Variants in CCR5AS observed in about 807,000 individuals in gnomAD.
The protein encoded by CCR5AS is CCR5 antisense RNA.
chr3:46,394,585 G>A (rs966308271), intron 1 of CCR5AS, among the ~76,000 whole-genome samples: 1 of 152,086 alleles, frequency 6.6e-6, no homozygotes, highest in African/African-American at 2.4e-5. Flanking sequence ...TGGAGAACAT[G>A]TCTCACATCC....
chr3:46,366,100 G>C (rs1292061942), intron 3 of CCR5AS, among the ~76,000 whole-genome samples: 1 of 152,142 alleles, frequency 6.6e-6, no homozygotes, highest in Non-Finnish European at 1.5e-5. Flanking sequence ...TATCCTAATT[G>C]CCTCCGTATA....
chr3:46,364,230 G>A (rs1166606903), downstream of CCR5AS, among the ~76,000 whole-genome samples: 1 of 152,250 alleles, frequency 6.6e-6, no homozygotes, highest in Non-Finnish European at 1.5e-5. Flanking sequence ...AGCTCCACAG[G>A]ACAGGCTGAC....
intron 2 of CCR5AS, among the ~76,000 whole-genome samples, chr3:46,383,585 A>T (rs1195378187): frequency 6.6e-6 from 1 of 152,138 alleles, no homozygotes; most frequent in Non-Finnish European, 1.5e-5. Flanking sequence ...AAGGAGAGCA[A>T]CCAATAAACC....
At chr3:46,380,392 AT>A (rs1346615712) in intron 2 of CCR5AS, among the ~76,000 whole-genome samples, 1 of 152,290 alleles carries the variant, frequency 6.6e-6, no homozygotes, top group African/African-American at 2.4e-5. Context: ...AATTTAAAAA[AT>A]AATTGTAACT....
chr3:46,369,984 G>A (rs1000545693), intron 3 of CCR5AS, among the ~76,000 whole-genome samples: 1 of 152,124 alleles, frequency 6.6e-6, no homozygotes, highest in African/African-American at 2.4e-5. Context: ...CTTGTGGCTC[G>A]GGAGTAGCTC....
At chr3:46,365,621 C>G (rs1199936936) in intron 3 of CCR5AS, among the ~76,000 whole-genome samples, 1 of 152,228 alleles carries the variant, frequency 6.6e-6, no homozygotes, top group Admixed American at 6.5e-5. Flanking sequence ...ACAGTCCACT[C>G]TGTGTTGGTC....
rs188772198 is a variant in CCR5AS, at chr3:46,373,854, A to G, written n.392-2437T>C. The G allele has an allele frequency of 7.4e-6, 12 of 1,614,058 alleles. No individual in the cohort carries two copies. In the Admixed American group the frequency reaches 1.3e-4, roughly 18 times the overall value. On this transcript the variant is annotated intron_variant and non_coding_transcript_variant, in intron 2 of 3. Transcript: ENST00000451485. ...AGTCTTCTTCCAAAAGCACATTGCC[A>G]AACGCTTCTGCAAATGCTGTTCTAT... is the stretch of plus-strand genomic sequence containing the variant.
At chr3:46,370,554 C>A (rs1470042037) in intron 3 of CCR5AS, among the ~76,000 whole-genome samples, 1 of 152,138 alleles carries the variant, frequency 6.6e-6, no homozygotes, top group Admixed American at 6.5e-5. Context: ...AACCTTTTAG[C>A]CTTACTGTTG....
chr3:46,390,674 G>A (rs1264359236), intron 2 of CCR5AS, among the ~76,000 whole-genome samples: 1 of 152,150 alleles, frequency 6.6e-6, no homozygotes, highest in African/African-American at 2.4e-5. Flanking sequence ...TAAAAGTGCA[G>A]CAAAGAGATG....
intron 2 of CCR5AS, among the ~76,000 whole-genome samples, chr3:46,391,063 G>A (rs1701907517): frequency 6.6e-6 from 1 of 152,246 alleles, no homozygotes; most frequent in Non-Finnish European, 1.5e-5. Flanking sequence ...GAAGGAGTCA[G>A]TCAGAGAGCC....
intron 2 of CCR5AS, among the ~76,000 whole-genome samples, chr3:46,387,993 G>C (rs924770638): frequency 1.1e-4 from 17 of 152,128 alleles, no homozygotes; most frequent in Admixed American, 9.8e-4. Context: ...TACAATGGTG[G>C]AATGTCATCA....
chr3:46,379,218 AT>A (rs2106759036), intron 2 of CCR5AS, among the ~76,000 whole-genome samples: 2 of 119,254 alleles, frequency 1.7e-5, no homozygotes, highest in East Asian at 2.6e-4. Flanking sequence ...TCCCCTTCCT[AT>A]GTCCATGTGA....
At chr3:46,387,382 T>C (rs1431064120) in intron 2 of CCR5AS, among the ~76,000 whole-genome samples, 2 of 152,178 alleles carry the variant, frequency 1.3e-5, no homozygotes, top group Non-Finnish European at 2.9e-5. Context: ...TCCAGCACTG[T>C]CCTTTATTGC....
chr3:46,385,855 C>T (rs1157284858), intron 2 of CCR5AS, among the ~76,000 whole-genome samples: 1 of 152,120 alleles, frequency 6.6e-6, no homozygotes, highest in Non-Finnish European at 1.5e-5. Flanking sequence ...ATTCTCCTGC[C>T]TCAGCCTCCT....
chr3:46,383,815 A>G (rs1483979322), intron 2 of CCR5AS, among the ~76,000 whole-genome samples: 1 of 152,206 alleles, frequency 6.6e-6, no homozygotes, highest in South Asian at 2.1e-4. Context: ...TTCAGCATTC[A>G]TTCATTGATT....
chr3:46,382,197 A>T (rs1334668740), intron 2 of CCR5AS, among the ~76,000 whole-genome samples: 1 of 152,208 alleles, frequency 6.6e-6, no homozygotes, highest in Admixed American at 6.5e-5. Context: ...AACCAAGTGT[A>T]CAGTAAAGGA....
At chr3:46,364,217 C>T (rs1198602278), downstream of CCR5AS, among the ~76,000 whole-genome samples, 6 of 152,240 alleles carry the variant, frequency 3.9e-5, no homozygotes, top group African/African-American at 1.4e-4. Context: ...AGGCAAGCTG[C>T]AAAGCTCCAC....
chr3:46,379,071 G>A (rs565024300), intron 2 of CCR5AS, among the ~76,000 whole-genome samples: 1 of 144,096 alleles, frequency 6.9e-6, no homozygotes, highest in African/African-American at 2.6e-5. Flanking sequence ...TGCACATTGT[G>A]CAGGTTAGTT....
intron 2 of CCR5AS, among the ~76,000 whole-genome samples, chr3:46,392,053 A>T (rs1701918797): frequency 6.6e-6 from 1 of 152,238 alleles, no homozygotes; most frequent in African/African-American, 2.4e-5. Context: ...TAGATCTTGT[A>T]GGATGGATAA....
Sources: gnomAD v4.1 joint callset for allele counts (sites outside exome capture counted in the v4.1 genomes callset) on GRCh38, gnomAD v4.1.1 for gene constraint, MANE v1.5 for transcripts, NCBI Gene and HGNC (gene_info 2026-07-23, HGNC 2026-07-21) for gene names.